PLEC: variants seen among roughly 807,000 people sequenced by gnomAD.
PLEC encodes plectin, also known as hemidesmosomal protein 1.
Under a neutral mutation model 392.8 loss-of-function variants are expected in PLEC, and 216 were observed. The ratio of observed to expected loss-of-function variants is 0.55; its 90% CI spans 0.49 to 0.62. The LOEUF (loss-of-function observed/expected upper bound fraction) is 0.62. Ranked by LOEUF, PLEC falls within the 20% of genes least tolerant of loss-of-function variation. The pLI, the probability that PLEC is intolerant of heterozygous loss-of-function variation, is 0.00. For synonymous variants in PLEC, 3,621 were observed against 2,980.6 expected, an observed-to-expected ratio of 1.21 and a Z score of -7.00; for missense variants, 6,863 against 6,563.4, an observed-to-expected ratio of 1.05 and a Z score of -1.58.
chr8:143,932,462 C>T lies in PLEC; in HGVS notation c.1915G>A (p.Glu639Lys), dbSNP rs1162838758. 1.2e-6 allele frequency: 2 copies of T among 1,612,710 alleles called. No homozygotes were observed. Among genetic ancestry groups the T allele is most frequent in the Non-Finnish European group, 1.7e-6 (2 of 1,180,000 alleles). Residue 639 changes from glutamate to lysine, a missense_variant, in exon 16 of 32, where the codon GAG becomes AAG. By Grantham distance (56) the Glu-to-Lys change is moderately conservative. Transcript: ENST00000345136. ...CGGTCGCTCCAGTCGAAGCCCACCTCCTCCTCCTCCTTCTCATTCAGCCAC... is the reference window on the plus strand; with the variant it reads ...CGGTCGCTCCAGTCGAAGCCCACCTTCTCCTCCTCCTTCTCATTCAGCCAC... ...LMWLNEKEEEEVGFDWSDRNT... is the reference protein window; with the variant it reads ...LMWLNEKEEEKVGFDWSDRNT...
intron 25 of PLEC, 119 bp from the exon 26 acceptor site, chr8:143,928,111 G>A (rs1427994441): frequency 7.8e-7 from 1 of 1,282,212 alleles, no homozygotes; most frequent in East Asian, 2.4e-5. Flanking sequence ...CAACCCTGGG[G>A]GTCAGCTGAC....
intron 1 of PLEC, among the ~76,000 whole-genome samples, chr8:143,961,790 G>A (rs1832884212): frequency 6.6e-6 from 1 of 152,200 alleles, no homozygotes; most frequent in Non-Finnish European, 1.5e-5. Context: ...TGAAATTACA[G>A]ATAAATTAAC....
At chr8:143,945,137 A>G (rs551378282) in intron 1 of PLEC, 5 of 417,194 alleles carry the variant, frequency 1.2e-5, no homozygotes, top group South Asian at 7.2e-5. Context: ...ATTCTCCCAG[A>G]GGGCCCTGCG....
intron 18 of PLEC, 25 bp from the exon 19 acceptor site, chr8:143,931,684 C>G: frequency 6.3e-7 from 1 of 1,589,718 alleles, no homozygotes; most frequent in East Asian, 2.3e-5. Context: ...GGGGGTCACG[C>G]CAGGCTACCT....
rs1372396615 is a variant in PLEC, at chr8:143,917,642, CG to C, written c.12178del (p.Arg4060GlyfsTer17). 1 of 1,613,564 alleles carries C rather than the reference CG, an allele frequency of 6.2e-7. No individual in the cohort carries two copies. Among genetic ancestry groups the C allele is most frequent in the Non-Finnish European group, 8.5e-7 (1 of 1,180,024 alleles). ...GGIIDPEESHRLPVEVAYKRG... is the reference protein window; with the variant it reads ...GGIIDPEESHXLPVEVAYKRG... The stretch of plus-strand genomic sequence containing the variant: ...CTTGTAGGCCACCTCCACGGGCAGC[CG>C]GTGGCTCTCCTCAGGGTCGATGATG... On this transcript the variant is annotated frameshift_variant, in exon 32 of 32. Transcript: ENST00000345136. LOFTEE classifies it high-confidence loss of function.
Position 143,922,994 on chromosome 8 carries a change from A to T in PLEC, c.6935T>A (p.Leu2312His), listed in dbSNP as rs782406798. Residue 2312 changes from leucine (L) to histidine (H), a missense_variant, in exon 31 of 32, where the codon CTC becomes CAC. Transcript: ENST00000345136. The part of the protein sequence containing the change: ...AQQRALAEKM[L>H]KEKMQAVQEA... ...CTGCACCGCCTGCATCTTCTCCTTG[A>T]GCATCTTCTCTGCCAAGGCCCGCTG... is the stretch of plus-strand genomic sequence containing the variant. 1 of 1,611,410 alleles carries T rather than the reference A, an allele frequency of 6.2e-7. No individual in the cohort carries two copies.
chr8:143,954,070 T>G, upstream of PLEC: 1 of 542,354 alleles, frequency 1.8e-6, no homozygotes, highest in Non-Finnish European at 3.0e-6. The surrounding 1 kb of genome is among the most constrained non-coding windows in gnomAD (Gnocchi z 4.6). Flanking sequence ...GACGGCCCAC[T>G]CCCCAGCTCC....
At chr8:143,951,085 C>T (rs1554736377), upstream of PLEC, among the ~76,000 whole-genome samples, 1 of 152,212 alleles carries the variant, frequency 6.6e-6, no homozygotes, top group African/African-American at 2.4e-5. Context: ...CCCCACCAGG[C>T]CCCACGGCTC....
chr8:143,963,907 G>A (rs1832973548), intron 1 of PLEC, among the ~76,000 whole-genome samples: 1 of 151,160 alleles, frequency 6.6e-6, no homozygotes, highest in African/African-American at 2.4e-5. Flanking sequence ...CTGCCTCTCG[G>A]GTTCAAGCAA....
upstream of PLEC, chr8:143,975,249 G>T: frequency 6.2e-7 from 1 of 1,607,690 alleles, no homozygotes; most frequent in Non-Finnish European, 8.5e-7. The surrounding 1 kb of genome is among the most constrained non-coding windows in gnomAD (Gnocchi z 9.9). Flanking sequence ...CCCCCGCTGC[G>T]CCGGCTCCGC....
At position 143,924,874 on chromosome 8, in the gene PLEC, C is replaced by A. The variant is rs1824378341; in HGVS notation, c.5055G>T (p.Arg1685=). ...GCTCTTGTTCAGCCAGCTCCCGCTG[C>A]CGGACGGCCTGCTCCTCCGCCTTGC... ...RRGKAEEQAV[R]QRELAEQELE... Residue 1685 remains arginine (R), a synonymous_variant, in exon 31 of 32, where the codon CGG becomes CGT. Transcript: ENST00000345136. The A allele has an allele frequency of 2.5e-6, 4 of 1,588,836 alleles. No individual in the cohort carries two copies. Among genetic ancestry groups the A allele is most frequent in the Non-Finnish European group, 3.4e-6 (4 of 1,175,132 alleles).
chr8:143,962,518 T>C (rs1832915409), intron 1 of PLEC, among the ~76,000 whole-genome samples: 2 of 152,096 alleles, frequency 1.3e-5, no homozygotes, highest in African/African-American at 4.8e-5. Flanking sequence ...TATCTGAAAA[T>C]GTGGATGTGG....
rs1226073815 is a variant in PLEC at position 143,925,663 on chromosome 8, C to T, written c.4266G>A (p.Leu1422=). The part of the protein sequence containing the change: ...QQQKRSIQEE[L]QQLRQSSEAE... ...CCTCCGAGCTCTGCCGCAGCTGCTG[C>T]AGCTCCTCCTGAATGCTGCGCTTCT... Residue 1422 remains leucine (L), a synonymous_variant, in exon 31 of 32, where the codon CTG becomes CTA. Transcript: ENST00000345136. The T allele has an allele frequency of 1.3e-6, 2 of 1,588,792 alleles. No homozygotes were observed. The highest frequency in any genetic ancestry group is 2.3e-5 in the East Asian group (1 of 44,382).
intron 1 of PLEC, among the ~76,000 whole-genome samples, chr8:143,948,377 G>A (rs1178785890): frequency 1.3e-5 from 2 of 152,248 alleles, no homozygotes; most frequent in African/African-American, 4.8e-5. Context: ...TCCAAGAAGT[G>A]CCTGGTCTCA....
intron 1 of PLEC, among the ~76,000 whole-genome samples, chr8:143,971,126 CA>C (rs782728055): frequency 1.3e-5 from 2 of 152,080 alleles, no homozygotes; most frequent in Admixed American, 1.3e-4. Flanking sequence ...ATGACGTGTC[CA>C]GGGGAGGGTC....
At chr8:143,938,830 G>T in intron 1 of PLEC, 138 bp from the exon 2 acceptor site, 1 of 765,590 alleles carries the variant, frequency 1.3e-6, no homozygotes, top group South Asian at 1.4e-5. Flanking sequence ...ATCACACACT[G>T]AGACCCAGGC....
rs1554713194 is a variant in PLEC, at chr8:143,930,202, G to A, written c.2554C>T (p.Pro852Ser). The A allele has an allele frequency of 6.3e-7, 1 of 1,579,414 alleles. No individual in the cohort carries two copies. Among genetic ancestry groups the A allele is most frequent in the Non-Finnish European group, 8.6e-7 (1 of 1,168,902 alleles). Residue 852 changes from proline (P) to serine (S), a missense_variant, in exon 21 of 32, where the codon CCC becomes TCC. Pro to Ser is a moderately conservative substitution (Grantham distance 74). Coordinates refer to ENST00000345136, the MANE Select transcript of PLEC (RefSeq NM_201384.3). ...LSSSGSEAAV[P>S]SVCFLVPPPN... is the part of the protein sequence containing the mutation. ...GGGGGCACCAGGAAGCACACGGAGG[G>A]CACGGCGGCCTCGCTGCCGGAGCTG... is the stretch of plus-strand genomic sequence containing the variant.
At chr8:143,952,521 A>G (rs2132760689), upstream of PLEC, among the ~76,000 whole-genome samples, 1 of 152,146 alleles carries the variant, frequency 6.6e-6, no homozygotes, top group Admixed American at 6.5e-5. Flanking sequence ...CCTGTGCCCA[A>G]AGAAGGCCCT....
At chr8:143,950,896 C>T (rs1041355173), upstream of PLEC, 35 of 1,220,898 alleles carry the variant, frequency 2.9e-5, no homozygotes, top group East Asian at 7.9e-5. Flanking sequence ...TGGCTCGTGG[C>T]GCCTGGCTCC....
Sources: gnomAD v4.1 joint callset for allele counts (sites outside exome capture counted in the v4.1 genomes callset) on GRCh38, gnomAD v4.1.1 for gene constraint, Gnocchi (gnomAD v3.1) non-coding constraint, MANE v1.5 for transcripts, NCBI Gene and HGNC (gene_info 2026-07-23, HGNC 2026-07-21) for gene names.